Variants in KCNT2 observed in about 807,000 individuals in gnomAD.
The protein encoded by KCNT2 is potassium sodium-activated channel subfamily T member 2, also known as potassium channel subfamily T member 2.
Under a neutral mutation model 153.8 loss-of-function variants are expected in KCNT2, and 67 were observed. That is an observed-to-expected ratio of 0.44 (90% CI 0.36 to 0.53). The LOEUF (loss-of-function observed/expected upper bound fraction) is 0.53, where lower values mean the gene tolerates loss of function less well. Ranked by LOEUF, KCNT2 falls within the 20% of genes least tolerant of loss-of-function variation. KCNT2 has a pLI of 0.00. For synonymous variants in KCNT2, 500 were observed against 458.8 expected (o/e 1.09, Z -1.15); for missense variants, 975 against 1,354.8 (o/e 0.72, Z 4.40).
chr1:196,347,211 C>T (rs960343647), intron 14 of KCNT2, among the ~76,000 whole-genome samples: 2 of 152,130 alleles, frequency 1.3e-5, no homozygotes, highest in Non-Finnish European at 2.9e-5. Flanking sequence ...ATTGGTAATG[C>T]AGGACATTTT....
chr1:196,231,703 G>C (rs1186560403), intron 27 of KCNT2, among the ~76,000 whole-genome samples: 1 of 151,734 alleles, frequency 6.6e-6, no homozygotes, highest in Non-Finnish European at 1.5e-5. Flanking sequence ...GATGTGCTTA[G>C]AAATGATTTG....
At chr1:196,470,922 C>G (rs1163551535) in intron 5 of KCNT2, among the ~76,000 whole-genome samples, 1 of 141,158 alleles carries the variant, frequency 7.1e-6, no homozygotes, top group Non-Finnish European at 1.5e-5. Flanking sequence ...CTCTGTCACC[C>G]AGGCTGGAGT....
chr1:196,460,746 G>T (rs543212256), intron 8 of KCNT2, among the ~76,000 whole-genome samples: 28 of 151,800 alleles, frequency 1.8e-4, no homozygotes, highest in Non-Finnish European at 2.8e-4. Context: ...TGGGGAAGTA[G>T]AACTTAATAT....
chr1:196,553,606 A>C (rs150493457), intron 1 of KCNT2, among the ~76,000 whole-genome samples: 1 of 151,220 alleles, frequency 6.6e-6, no homozygotes, highest in Non-Finnish European at 1.5e-5. Context: ...ATAAAGAAAC[A>C]TGAGACTTAA....
chr1:196,283,056 C>T (rs765120812), intron 23 of KCNT2, among the ~76,000 whole-genome samples: 2 of 152,196 alleles, frequency 1.3e-5, no homozygotes, highest in African/African-American at 2.4e-5. Context: ...GTTGGCCATG[C>T]TGGTCTAGAA....
At chr1:196,588,453 T>C (rs1572907154) in intron 1 of KCNT2, among the ~76,000 whole-genome samples, 1 of 152,084 alleles carries the variant, frequency 6.6e-6, no homozygotes, top group African/African-American at 2.4e-5. Flanking sequence ...TTTCCTTTAC[T>C]TTCCTTACTA....
intron 8 of KCNT2, among the ~76,000 whole-genome samples, chr1:196,462,240 A>G (rs1677215280): frequency 6.6e-6 from 1 of 151,632 alleles, no homozygotes; most frequent in African/African-American, 2.4e-5. Flanking sequence ...CTGTCATGTT[A>G]CACTAAGATC....
chr1:196,318,818 A>G (rs1204307710), intron 20 of KCNT2, among the ~76,000 whole-genome samples: 1 of 151,806 alleles, frequency 6.6e-6, no homozygotes, highest in Non-Finnish European at 1.5e-5. Context: ...AAAGTTCTCA[A>G]TTGGTAAATT....
intron 8 of KCNT2, among the ~76,000 whole-genome samples, chr1:196,445,752 T>C (rs1675636062): frequency 6.6e-6 from 1 of 151,390 alleles, no homozygotes; most frequent in African/African-American, 2.4e-5. Context: ...AATTCTGTAA[T>C]ATACAAACAT....
chr1:196,363,291 C>T (rs919932895), intron 14 of KCNT2, among the ~76,000 whole-genome samples: 3 of 151,878 alleles, frequency 2.0e-5, no homozygotes, highest in Admixed American at 6.6e-5. Context: ...TTCTTTTGAC[C>T]AGCCCCCATA....
At chr1:196,461,670 G>C (rs917285387) in intron 8 of KCNT2, among the ~76,000 whole-genome samples, 1 of 151,676 alleles carries the variant, frequency 6.6e-6, no homozygotes, top group African/African-American at 2.4e-5. Flanking sequence ...GACGCAGAAT[G>C]AATCACAATT....
intron 1 of KCNT2, among the ~76,000 whole-genome samples, chr1:196,592,391 G>T (rs1663472361): frequency 6.7e-6 from 1 of 149,782 alleles, no homozygotes; most frequent in South Asian, 2.1e-4. Flanking sequence ...AGGTGGGGAT[G>T]GTTAATGGGT....
At chr1:196,379,398 C>T (rs1669265026) in intron 13 of KCNT2, among the ~76,000 whole-genome samples, 1 of 152,002 alleles carries the variant, frequency 6.6e-6, no homozygotes, top group African/African-American at 2.4e-5. Flanking sequence ...TGGCAAAACC[C>T]AGTCTCTACC....
intron 5 of KCNT2, among the ~76,000 whole-genome samples, chr1:196,471,783 A>G (rs1424642911): frequency 6.6e-6 from 1 of 152,064 alleles, no homozygotes; most frequent in Non-Finnish European, 1.5e-5. Context: ...ATTTTTATTT[A>G]ATTATCTGTC....
At chr1:196,299,380 A>G (rs1278782933) in intron 22 of KCNT2, among the ~76,000 whole-genome samples, 2 of 152,170 alleles carry the variant, frequency 1.3e-5, no homozygotes, top group African/African-American at 4.8e-5. Context: ...AGCAAAAAAA[A>G]GTGGGCAAAC....
intron 8 of KCNT2, among the ~76,000 whole-genome samples, chr1:196,442,649 A>G (rs563804687): frequency 2.0e-5 from 3 of 151,784 alleles, no homozygotes; most frequent in Admixed American, 1.3e-4. Context: ...AAGGTTAAGC[A>G]TTCTAGGTAG....
At chr1:196,507,451 A>G (rs1411398336) in intron 1 of KCNT2, among the ~76,000 whole-genome samples, 3 of 152,176 alleles carry the variant, frequency 2.0e-5, no homozygotes, top group African/African-American at 4.8e-5. Flanking sequence ...TTTCTGCCTA[A>G]TTTAAAAAGA....
chr1:196,263,405 A>G (rs945676457), intron 25 of KCNT2, among the ~76,000 whole-genome samples: 3 of 152,172 alleles, frequency 2.0e-5, no homozygotes, highest in Non-Finnish European at 4.4e-5. Flanking sequence ...CAAACACTGC[A>G]TATTCTCACT....
At chr1:196,474,113 A>C (rs1678323473) in intron 5 of KCNT2, among the ~76,000 whole-genome samples, 1 of 152,262 alleles carries the variant, frequency 6.6e-6, no homozygotes, top group Admixed American at 6.5e-5. Context: ...CGGACACATC[A>C]TTTTTAACCA....
Sources: allele counts gnomAD v4.1 joint callset (sites outside exome capture counted in the v4.1 genomes callset), GRCh38; gene constraint gnomAD v4.1.1; transcripts MANE v1.5; gene names NCBI Gene and HGNC (gene_info 2026-07-23, HGNC 2026-07-21).